Variants in RELL1 observed in about 807,000 individuals in gnomAD.
RELL1 encodes the protein RELT like 1.
RELL1 carries 10 observed loss-of-function variants against 23.0 expected under a neutral mutation model. The ratio of observed to expected loss-of-function variants is 0.43; its 90% CI spans 0.27 to 0.74. RELL1 has a LOEUF of 0.74. Ranked by LOEUF, RELL1 falls within the 30% of genes least tolerant of loss-of-function variation. The pLI is 0.19. For synonymous variants in RELL1, 146 were observed against 146.8 expected (o/e 0.99, Z 0.04); for missense variants, 315 against 364.4 (o/e 0.86, Z 1.10).
At chr4:37,673,271 C>A (rs1355889620) in intron 1 of RELL1, among the ~76,000 whole-genome samples, 1 of 144,560 alleles carries the variant, frequency 6.9e-6, no homozygotes. Flanking sequence ...CTCACTGCAG[C>A]CTTGCACCTC....
intron 6 of RELL1, among the ~76,000 whole-genome samples, chr4:37,601,607 G>C (rs1408142142): frequency 6.6e-6 from 1 of 152,194 alleles, no homozygotes; most frequent in African/African-American, 2.4e-5. Flanking sequence ...GCAATAAAAG[G>C]AAAAGGGTTT....
At chr4:37,622,187 A>G (rs192475883) in intron 6 of RELL1, among the ~76,000 whole-genome samples, 70 of 152,352 alleles carry the variant, frequency 4.6e-4, no homozygotes, top group African/African-American at 1.7e-3. Context: ...GAACCTAAAA[A>G]TCACTAACTT....
chr4:37,650,225 A>G (rs1330978362), intron 1 of RELL1, among the ~76,000 whole-genome samples: 1 of 152,232 alleles, frequency 6.6e-6, no homozygotes, highest in Non-Finnish European at 1.5e-5. Flanking sequence ...CTTACATTCT[A>G]GGAGGATTTA....
At chr4:37,601,329 T>G (rs1393204872) in intron 6 of RELL1, among the ~76,000 whole-genome samples, 1 of 152,172 alleles carries the variant, frequency 6.6e-6, no homozygotes, top group Non-Finnish European at 1.5e-5. Context: ...GCCAATAGAT[T>G]GTTCTGTTTC....
At chr4:37,634,567 T>C (rs1402565118) in intron 5 of RELL1, among the ~76,000 whole-genome samples, 1 of 152,266 alleles carries the variant, frequency 6.6e-6, no homozygotes, top group Non-Finnish European at 1.5e-5. Context: ...CACCCATTGA[T>C]ATCTCAATAC....
At chr4:37,677,972 C>T (rs1722072884) in intron 1 of RELL1, among the ~76,000 whole-genome samples, 1 of 152,076 alleles carries the variant, frequency 6.6e-6, no homozygotes, top group Non-Finnish European at 1.5e-5. Context: ...AAGACCTTGT[C>T]CCCCCAAAAA....
intron 1 of RELL1, among the ~76,000 whole-genome samples, chr4:37,680,008 G>A (rs1244382511): frequency 2.0e-5 from 3 of 151,934 alleles, no homozygotes; most frequent in African/African-American, 7.3e-5. Context: ...ACCTACAGAG[G>A]GTATCAAAAG....
chr4:37,588,896 A>G (rs1394617387), downstream of RELL1: 7 of 1,612,742 alleles, frequency 4.3e-6, no homozygotes, highest in East Asian at 2.2e-5. Context: ...AAAATAATAC[A>G]AAGGTAAAGC....
At chr4:37,649,583 A>T (rs1190799028) in intron 1 of RELL1, 83 bp from the exon 2 acceptor site, 6 of 1,289,302 alleles carry the variant, frequency 4.7e-6, no homozygotes, top group Non-Finnish European at 5.5e-6. Flanking sequence ...TGTTCACAGT[A>T]AGTCAGGGTC....
rs1454525125 is a variant in RELL1, at chr4:37,649,457, G to T, written c.132C>A (p.Thr44=). 1 of 1,613,974 alleles carries T rather than the reference G, an allele frequency of 6.2e-7. No homozygotes were observed. Among genetic ancestry groups the T allele is most frequent in the Non-Finnish European group, 8.5e-7 (1 of 1,179,976 alleles). ...SRTLHSRTET[T]PSPSNDTGNG... is the part of the protein sequence containing the mutation. ...TCCCAGTATCGTTGCTGGGCGACGG[G>T]GTCGTCTCTGTTCTGGAGTGCAATG... Residue 44 remains threonine, a synonymous_variant, in exon 2 of 7, where the codon ACC becomes ACA. Coordinates refer to ENST00000454158, the MANE Select transcript of RELL1 (RefSeq NM_001085400.2).
At chr4:37,686,086 C>A (rs1403278201) in intron 1 of RELL1, 114 bp downstream of exon 1, 1 of 905,090 alleles carries the variant, frequency 1.1e-6, no homozygotes, top group Non-Finnish European at 1.7e-6. Context: ...CGGGATCCCG[C>A]GGCTGTGCCA....
intron 1 of RELL1, among the ~76,000 whole-genome samples, chr4:37,657,190 G>A (rs1370570555): frequency 6.6e-6 from 1 of 152,132 alleles, no homozygotes; most frequent in South Asian, 2.1e-4. Flanking sequence ...AAATAAAAAA[G>A]GAAATAAACA....
At chr4:37,589,787 T>A (rs1446803635), downstream of RELL1, among the ~76,000 whole-genome samples, 2 of 152,094 alleles carry the variant, frequency 1.3e-5, no homozygotes, top group Non-Finnish European at 2.9e-5. Flanking sequence ...GCCTACCACC[T>A]CACCCAGCTA....
At position 37,631,433 on chromosome 4, in the gene RELL1, C is replaced by T. The variant is rs751047342; in HGVS notation, c.771G>A (p.Glu257=). The part of the protein sequence containing the change: ...SVSGAETVNG[E]VPATPVKRER... Reference sequence around the variant, plus strand: ...CTCTCTTCACAGGTGTTGCCGGCACCTCCCCATTGACGGTTTCAGCCCCAC... The same window carrying T: ...CTCTCTTCACAGGTGTTGCCGGCACTTCCCCATTGACGGTTTCAGCCCCAC... The change falls in exon 6 of 7, where the codon GAG becomes GAA. Residue 257 remains glutamate (E), a synonymous_variant. Coordinates refer to ENST00000454158, the MANE Select transcript of RELL1 (RefSeq NM_001085400.2). 2 of 1,614,144 alleles carry T rather than the reference C, an allele frequency of 1.2e-6. No homozygotes were observed. The highest frequency in any genetic ancestry group is 1.3e-5 in the African/African-American group (1 of 75,042).
intron 1 of RELL1, among the ~76,000 whole-genome samples, chr4:37,675,747 A>G (rs1272100508): frequency 6.6e-6 from 1 of 152,214 alleles, no homozygotes; most frequent in Non-Finnish European, 1.5e-5. Context: ...AGGACAGGAT[A>G]CATACAGCCC....
At chr4:37,625,761 C>G (rs1026364710) in intron 6 of RELL1, among the ~76,000 whole-genome samples, 2 of 151,984 alleles carry the variant, frequency 1.3e-5, no homozygotes, top group African/African-American at 4.8e-5. Flanking sequence ...TTTTAAATAT[C>G]CTCACCACAA....
At chr4:37,642,139 C>T (rs1484374679) in intron 3 of RELL1, among the ~76,000 whole-genome samples, 1 of 152,162 alleles carries the variant, frequency 6.6e-6, no homozygotes, top group Non-Finnish European at 1.5e-5. Context: ...GCATAATCAA[C>T]AGAGAAAGTT....
chr4:37,678,065 T>C (rs551512330), intron 1 of RELL1, among the ~76,000 whole-genome samples: 2 of 152,294 alleles, frequency 1.3e-5, no homozygotes, highest in South Asian at 2.1e-4. Context: ...ATAGGAAGCA[T>C]AGTGGCATCT....
intron 1 of RELL1, among the ~76,000 whole-genome samples, chr4:37,680,983 G>A (rs1193776975): frequency 6.7e-6 from 1 of 150,100 alleles, no homozygotes; most frequent in Middle Eastern, 3.2e-3. Flanking sequence ...AATGAAATAT[G>A]CTAACAATGG....
Sources: gnomAD v4.1 joint callset for allele counts (sites outside exome capture counted in the v4.1 genomes callset) on GRCh38, gnomAD v4.1.1 for gene constraint, MANE v1.5 for transcripts, NCBI Gene and HGNC (gene_info 2026-07-23, HGNC 2026-07-21) for gene names.